Variants in RBFOX1 observed in about 807,000 individuals in gnomAD.
The protein encoded by RBFOX1 is RNA binding fox-1 homolog 1, also known as RNA binding protein fox-1 homolog 1.
A neutral mutation model predicts 57.7 loss-of-function variants in RBFOX1; 8 were observed. That is an observed-to-expected ratio of 0.14 (90% CI 0.08 to 0.25). The LOEUF (loss-of-function observed/expected upper bound fraction) is 0.25. Ranked by LOEUF, RBFOX1 falls within the 10% of genes least tolerant of loss-of-function variation. The pLI is 1.00. For synonymous variants in RBFOX1, 326 were observed against 222.4 expected (o/e 1.47, Z -4.15); for missense variants, 611 against 548.5 (o/e 1.11, Z -1.14).
rs13333887 is a variant in RBFOX1 at position 5,827,496 on chromosome 16, C to T, written c.319-39807C>T. Among the ~76,000 whole-genome samples, 345 of 152,048 alleles carry T rather than the reference C, an allele frequency of 2.3e-3. 2 individuals are homozygous for T. The highest frequency in any genetic ancestry group is 6.3e-3 in the African/African-American group (262 of 41,480). On this transcript the variant is annotated intron_variant, in intron 3 of 19. Transcript: ENST00000641259. ...GTTGAAGACAACTCTCTATGCACCC[C>T]GAGAACTCCCTCCCTCTACATCAAG...
At chr16:5,885,347 C>T (rs937919261) in intron 4 of RBFOX1, among the ~76,000 whole-genome samples, 3 of 149,034 alleles carry the variant, frequency 2.0e-5, no homozygotes, top group Non-Finnish European at 3.0e-5. Flanking sequence ...ACTCCAAATA[C>T]GACTGCATTT....
At chr16:6,904,552 G>T (rs918920427) in intron 3 of RBFOX1, among the ~76,000 whole-genome samples, 2 of 126,668 alleles carry the variant, frequency 1.6e-5, no homozygotes, top group African/African-American at 6.0e-5. Context: ...AGTGAGCTGA[G>T]ATCATGCCAT....
intron 2 of RBFOX1, among the ~76,000 whole-genome samples, chr16:5,484,372 T>C (rs1235466496): frequency 6.6e-6 from 1 of 152,196 alleles, no homozygotes; most frequent in Non-Finnish European, 1.5e-5. Context: ...CTGGCTTCTC[T>C]TAGTGAGAGC....
At chr16:5,839,312 C>G (rs992618382) in intron 3 of RBFOX1, among the ~76,000 whole-genome samples, 1 of 152,154 alleles carries the variant, frequency 6.6e-6, no homozygotes, top group Non-Finnish European at 1.5e-5. Context: ...TCTCATATTT[C>G]TGTTAGTCTC....
At chr16:5,535,351 C>G (rs915947260) in intron 2 of RBFOX1, among the ~76,000 whole-genome samples, 1 of 152,296 alleles carries the variant, frequency 6.6e-6, no homozygotes, top group East Asian at 1.9e-4. Context: ...GGGCACAATT[C>G]ATTTCCAATT....
At chr16:7,491,162 T>A in intron 4 of RBFOX1, among the ~76,000 whole-genome samples, 1 of 152,092 alleles carries the variant, frequency 6.6e-6, no homozygotes, top group East Asian at 1.9e-4. Context: ...TGAGATTCGC[T>A]CTGAAGCCAA....
At chr16:6,237,744 A>G (rs2097516676) in intron 1 of RBFOX1, among the ~76,000 whole-genome samples, 1 of 152,048 alleles carries the variant, frequency 6.6e-6, no homozygotes, top group Admixed American at 6.6e-5. Context: ...CCATCTCAAA[A>G]ATAAAACAAA....
At chr16:7,570,014 C>G (rs916118690) in intron 5 of RBFOX1, among the ~76,000 whole-genome samples, 1 of 152,102 alleles carries the variant, frequency 6.6e-6, no homozygotes, top group South Asian at 2.1e-4. Flanking sequence ...TTTCCAATGA[C>G]AATTCAGTTT....
intron 5 of RBFOX1, 117 bp downstream of exon 5, chr16:7,518,506 T>C (rs2076863715): frequency 2.2e-6 from 3 of 1,373,670 alleles, no homozygotes; most frequent in Admixed American, 2.5e-5. Context: ...GATCAGTCCC[T>C]AAGCCCACCC....
At chr16:6,287,905 C>T (rs578257800) in intron 1 of RBFOX1, among the ~76,000 whole-genome samples, 1 of 152,132 alleles carries the variant, frequency 6.6e-6, no homozygotes, top group South Asian at 2.1e-4. Flanking sequence ...GTCTAGCTTA[C>T]CCATGCTTTC....
intron 4 of RBFOX1, among the ~76,000 whole-genome samples, chr16:7,383,680 T>G (rs539723105): frequency 6.6e-6 from 1 of 152,310 alleles, no homozygotes; most frequent in African/African-American, 2.4e-5. Flanking sequence ...ATTCCAGAAT[T>G]GCCTTAAGTT....
chr16:6,392,878 A>C (rs1221661238), intron 2 of RBFOX1, among the ~76,000 whole-genome samples: 1 of 152,254 alleles, frequency 6.6e-6, no homozygotes, highest in Non-Finnish European at 1.5e-5. Context: ...CCATATTTTT[A>C]TCAGACGCAA....
chr16:7,168,841 C>T (rs562718108), intron 4 of RBFOX1, among the ~76,000 whole-genome samples: 2 of 152,280 alleles, frequency 1.3e-5, no homozygotes, highest in East Asian at 3.9e-4. Context: ...CTTCATTCTC[C>T]TGACATGAAC....
chr16:5,854,375 C>G (rs1425199471), intron 3 of RBFOX1, among the ~76,000 whole-genome samples: 1 of 152,208 alleles, frequency 6.6e-6, no homozygotes, highest in Non-Finnish European at 1.5e-5. Flanking sequence ...TCATTCTAGT[C>G]TCCGCTTTTG....
chr16:6,512,205 G>T (rs905126092), intron 2 of RBFOX1, among the ~76,000 whole-genome samples: 3 of 146,032 alleles, frequency 2.1e-5, no homozygotes, highest in Non-Finnish European at 4.5e-5. Flanking sequence ...GATTGCTTGA[G>T]CCCAGGAGGT....
chr16:5,944,460 G>T (rs1009757060), intron 4 of RBFOX1, among the ~76,000 whole-genome samples: 6 of 152,102 alleles, frequency 3.9e-5, no homozygotes, highest in African/African-American at 1.4e-4. Context: ...TCTCAGGCAG[G>T]TATGGCCGTG....
intron 14 of RBFOX1, among the ~76,000 whole-genome samples, chr16:7,682,779 AAC>A (rs1275015860): frequency 8.6e-5 from 13 of 150,952 alleles, no homozygotes; most frequent in Non-Finnish European, 1.9e-4. Flanking sequence ...TACATGTATA[AAC>A]ACACACTTTT....
At chr16:6,806,197 T>G (rs1349450667) in intron 3 of RBFOX1, among the ~76,000 whole-genome samples, 1 of 152,162 alleles carries the variant, frequency 6.6e-6, no homozygotes, top group Non-Finnish European at 1.5e-5. Flanking sequence ...AGAGAAAAAT[T>G]AGCAAATTAA....
chr16:5,614,568 ATTTCT>A (rs1244240013), intron 3 of RBFOX1, among the ~76,000 whole-genome samples: 1 of 152,032 alleles, frequency 6.6e-6, no homozygotes, highest in African/African-American at 2.4e-5. Flanking sequence ...TGCTTCATTG[ATTTCT>A]TTTAAGGCTC....
Sources: gnomAD v4.1 joint callset for allele counts (sites outside exome capture counted in the v4.1 genomes callset) on GRCh38, gnomAD v4.1.1 for gene constraint, MANE v1.5 for transcripts, NCBI Gene and HGNC (gene_info 2026-07-23, HGNC 2026-07-21) for gene names.